Variants in CFAP77 observed in about 807,000 individuals in gnomAD.
The protein encoded by CFAP77 is cilia and flagella associated protein 77.
In CFAP77, 25 loss-of-function variants were observed where a neutral mutation model predicts 31.1. The observed-to-expected ratio is 0.80, with a 90% CI of 0.59 to 1.12. CFAP77 has a LOEUF of 1.12. Ranked by LOEUF, CFAP77 falls within the 50% of genes most tolerant of loss-of-function variation. The pLI is 0.00. For synonymous variants in CFAP77, 151 were observed against 159.9 expected (o/e 0.94, Z 0.42); for missense variants, 377 against 397.3 (o/e 0.95, Z 0.44).
intron 3 of CFAP77, among the ~76,000 whole-genome samples, chr9:132,508,377 T>C (rs1851972969): frequency 6.6e-6 from 1 of 152,180 alleles, no homozygotes; most frequent in Non-Finnish European, 1.5e-5. Flanking sequence ...AGCTCAAGAA[T>C]GCAGGACATC....
chr9:132,520,997 G>C (rs955104701), intron 3 of CFAP77, among the ~76,000 whole-genome samples: 5 of 152,244 alleles, frequency 3.3e-5, no homozygotes, highest in African/African-American at 1.2e-4. Flanking sequence ...TCTGAACACA[G>C]TCCTGAAGAT....
At chr9:132,544,157 C>T (rs1184207074) in intron 5 of CFAP77, among the ~76,000 whole-genome samples, 2 of 59,198 alleles carry the variant, frequency 3.4e-5, no homozygotes, top group East Asian at 4.5e-4. Flanking sequence ...ACCTGCTCTG[C>T]CCCCCCTTGA....
rs139925481 is a variant in CFAP77, at chr9:132,444,676, C to T, written c.195+34210C>T. On this transcript the variant is annotated intron_variant, in intron 1 of 5. Transcript: ENST00000393216. ...AGCGAGGGTGTTGTAAATCATTTGT[C>T]GCTACTGGTAAAATACTGACTTTTG... 1.9e-4 allele frequency among the ~76,000 whole-genome samples: 29 copies of T among 152,194 alleles called. 1 individual carries two copies. The East Asian group carries it at 4.8e-3, about 25-fold the overall frequency.
intron 1 of CFAP77, among the ~76,000 whole-genome samples, chr9:132,416,933 G>A (rs553146238): frequency 7.2e-4 from 109 of 152,074 alleles, no homozygotes; most frequent in African/African-American, 2.4e-3. Flanking sequence ...CACTGTGCCC[G>A]GCTGATCTTT....
intron 5 of CFAP77, among the ~76,000 whole-genome samples, chr9:132,556,824 C>A (rs760778833): frequency 6.6e-6 from 1 of 152,204 alleles, no homozygotes; most frequent in African/African-American, 2.4e-5. Context: ...CCGCTCCTGG[C>A]GCGCTAACGA....
At chr9:132,486,090 A>ATATATAT (rs1281539306) in intron 1 of CFAP77, among the ~76,000 whole-genome samples, 1 of 15,356 alleles carries the variant, frequency 6.5e-5, no homozygotes, top group African/African-American at 4.3e-4. Flanking sequence ...ATATATATAT[A>ATATATAT]TTTTTTTTTT....
At chr9:132,432,578 C>G (rs560480590) in intron 1 of CFAP77, among the ~76,000 whole-genome samples, 59 of 150,490 alleles carry the variant, frequency 3.9e-4, no homozygotes, top group Admixed American at 1.8e-3. Flanking sequence ...GTCGCCCAGG[C>G]TGGAGTGCAG....
intron 1 of CFAP77, among the ~76,000 whole-genome samples, chr9:132,474,731 G>C (rs1273652241): frequency 6.6e-6 from 1 of 152,290 alleles, no homozygotes; most frequent in African/African-American, 2.4e-5. Flanking sequence ...GCAAAATGGT[G>C]CGCGTGACTC....
Position 132,466,425 on chromosome 9 carries a change from A to G in CFAP77, c.196-32270A>G, listed in dbSNP as rs887097595. Among the ~76,000 whole-genome samples, 25 of 152,280 alleles carry G rather than the reference A, an allele frequency of 1.6e-4. 1 individual carries two copies. The South Asian group carries it at 2.1e-3, about 13-fold the overall frequency. Reference sequence around the variant, plus strand: ...ATGAAGCCAGGCACCCTTATACACCAAGTCCCAGGAGGAGCACAGTTCCTG... The same window carrying G: ...ATGAAGCCAGGCACCCTTATACACCGAGTCCCAGGAGGAGCACAGTTCCTG... On this transcript the variant is annotated intron_variant, in intron 1 of 5. Transcript: ENST00000393216.
At chr9:132,566,768 C>T (rs1478317705) in intron 5 of CFAP77, among the ~76,000 whole-genome samples, 2 of 152,220 alleles carry the variant, frequency 1.3e-5, no homozygotes, top group East Asian at 1.9e-4. Flanking sequence ...GACTCCGCCT[C>T]GCTGGGGCCC....
chr9:132,487,902 A>C (rs149219587), intron 1 of CFAP77, among the ~76,000 whole-genome samples: 11 of 152,236 alleles, frequency 7.2e-5, no homozygotes, highest in Admixed American at 3.3e-4. Context: ...AATGATCACA[A>C]TTTGCATTTA....
intron 5 of CFAP77, among the ~76,000 whole-genome samples, chr9:132,563,120 A>G (rs984420949): frequency 1.3e-5 from 2 of 152,052 alleles, no homozygotes; most frequent in African/African-American, 4.8e-5. Context: ...CCTGGGCTCA[A>G]GCAATCCTCC....
At chr9:132,526,138 G>A (rs529673360) in intron 3 of CFAP77, among the ~76,000 whole-genome samples, 1 of 152,172 alleles carries the variant, frequency 6.6e-6, no homozygotes, top group East Asian at 1.9e-4. Context: ...TAAGTTTTTA[G>A]GTCAACCTAA....
In CFAP77 at chr9:132,536,410, TG is replaced by T. The variant is rs67856117; in HGVS notation, c.525-1189del. Among the ~76,000 whole-genome samples, 249 of 148,372 alleles carry T rather than the reference TG, an allele frequency of 1.7e-3. 9 individuals are homozygous for T. The highest frequency in any genetic ancestry group is 5.3e-3 in the African/African-American group (212 of 40,276). ...ATAGTTCTTTTTTTTTTTTTTTTTT[TG>T]GAGACAGAGTCTTGCTATGTTGCCC... On this transcript the variant is annotated intron_variant, in intron 3 of 5. Coordinates refer to ENST00000393216, the MANE Select transcript of CFAP77 (RefSeq NM_001282957.2).
chr9:132,466,418 A>G (rs1207962060), intron 1 of CFAP77, among the ~76,000 whole-genome samples: 1 of 152,178 alleles, frequency 6.6e-6, no homozygotes, highest in Non-Finnish European at 1.5e-5. Context: ...AGGCACCCTT[A>G]TACACCAAGT....
intron 1 of CFAP77, among the ~76,000 whole-genome samples, chr9:132,436,711 C>T (rs1850510611): frequency 6.6e-6 from 1 of 152,144 alleles, no homozygotes; most frequent in South Asian, 2.1e-4. Context: ...AAGCTGGAAA[C>T]TTTAATGCTA....
chr9:132,434,813 G>A lies in CFAP77; in HGVS notation c.195+24347G>A, dbSNP rs1372228006. The stretch of plus-strand genomic sequence containing the variant: ...GGCTTTTGATTTGAGCATTTAACAA[G>A]TAAATCCAAATGGGCACTTTGAAAC... On this transcript the variant is annotated intron_variant, in intron 1 of 5. Coordinates refer to ENST00000393216, the MANE Select transcript of CFAP77 (RefSeq NM_001282957.2). 2.0e-5 allele frequency among the ~76,000 whole-genome samples: 3 copies of A among 152,216 alleles called. No individual in the cohort carries two copies. The East Asian group carries it at 5.8e-4, about 29-fold the overall frequency.
At chr9:132,420,810 T>C (rs1850201777) in intron 1 of CFAP77, among the ~76,000 whole-genome samples, 1 of 152,166 alleles carries the variant, frequency 6.6e-6, no homozygotes, top group African/African-American at 2.4e-5. Flanking sequence ...CACCTGGATA[T>C]AGGCTTTGTC....
intron 1 of CFAP77, among the ~76,000 whole-genome samples, chr9:132,428,363 G>A (rs1850351160): frequency 6.6e-6 from 1 of 151,180 alleles, no homozygotes; most frequent in Non-Finnish European, 1.5e-5. Flanking sequence ...GCTCACACCT[G>A]TAATCCCAGC....
Sources: allele counts gnomAD v4.1 joint callset (sites outside exome capture counted in the v4.1 genomes callset), GRCh38; gene constraint gnomAD v4.1.1; transcripts MANE v1.5; gene names NCBI Gene and HGNC (gene_info 2026-07-23, HGNC 2026-07-21).